The following KMT2A variants were observed in gnomAD, a reference collection of about 807,000 sequenced individuals.
KMT2A encodes histone-lysine N-methyltransferase 2A.
Under a neutral mutation model 345.3 loss-of-function variants are expected in KMT2A, and 16 were observed. The observed-to-expected ratio is 0.05, with a 90% confidence interval of 0.03 to 0.07. KMT2A has a LOEUF of 0.07. KMT2A is among the 10% of genes least tolerant of loss of function. KMT2A has a pLI of 1.00. For missense variants in KMT2A, 3,272 were observed against 4,841.6 expected (o/e 0.68, Z 9.62); for synonymous variants, 1,599 against 1,778.6 (o/e 0.90, Z 2.54).
chr11:118,474,807 A>T (rs1393424863), intron 3 of KMT2A, among the ~76,000 whole-genome samples: 1 of 152,168 alleles, frequency 6.6e-6, no homozygotes, highest in East Asian at 1.9e-4. Flanking sequence ...GGAGCAATAG[A>T]TAATATGTTT....
Position 118,501,075 on chromosome 11 carries a change from G to C in KMT2A, c.6247G>C (p.Glu2083Gln), listed in dbSNP as rs1456034694. 2.5e-6 allele frequency: 4 copies of C among 1,614,034 alleles called. No homozygotes were observed. Among genetic ancestry groups the C allele is most frequent in the African/African-American group, 1.3e-5 (1 of 74,922 alleles). The change falls in exon 25 of 36, where the codon GAG (glutamate) becomes CAG (glutamine). Residue 2083 changes from glutamate (E) to glutamine (Q), a missense_variant. Coordinates refer to ENST00000534358, the MANE Select transcript of KMT2A (RefSeq NM_001197104.2). ...AGTGGAGTGCCGTCCTCCAGTCGTA[G>C]AGCCGGATATCAACAGCACTGTTGA... Reference protein sequence around the residue: ...KIVECRPPVVEPDINSTVEHD... With the variant: ...KIVECRPPVVQPDINSTVEHD...
intron 1 of KMT2A, among the ~76,000 whole-genome samples, chr11:118,444,480 A>C (rs1555026637): frequency 6.6e-6 from 1 of 152,206 alleles, no homozygotes; most frequent in Non-Finnish European, 1.5e-5. Context: ...GAGATCGTTT[A>C]GCATAGTAAT....
Position 118,472,884 on chromosome 11 carries a change from C to T in KMT2A, c.1725C>T (p.Ala575=). The part of the protein sequence containing the change: ...LLTPPPPLQP[A]SSISDHTPWL... ...CTCCACCGCCACCACTGCAGCCAGC[C>T]TCCAGTATCTCTGACCACACACCTT... The change falls in exon 3 of 36, where the codon GCC becomes GCT. Residue 575 remains alanine (A), a synonymous_variant. Transcript: ENST00000534358. 3.1e-6 allele frequency: 5 copies of T among 1,614,014 alleles called. No individual in the cohort carries two copies. The highest frequency in any genetic ancestry group is 4.2e-6 in the Non-Finnish European group (5 of 1,179,986).
chr11:118,478,372 C>T (rs1298600103), intron 5 of KMT2A, among the ~76,000 whole-genome samples, 171 bp downstream of exon 5: 2 of 152,168 alleles, frequency 1.3e-5, no homozygotes, highest in Admixed American at 6.5e-5. Flanking sequence ...AAGAAATACT[C>T]TGGGGCCATG....
rs1229882341 is a variant in KMT2A, at chr11:118,524,840, ACTG to A, written c.*2670_*2672del. Reference sequence around the variant, plus strand: ...GGAACTCAGCTAAATAGACCTAGTTACTGCCCTGCTAGGCCATGCTGTACTGTG... The same window carrying A: ...GGAACTCAGCTAAATAGACCTAGTTACCCTGCTAGGCCATGCTGTACTGTG... On this transcript the variant is annotated 3_prime_UTR_variant, in exon 36 of 36. Transcript: ENST00000534358. 3 of 186,924 alleles carry A rather than the reference ACTG, an allele frequency of 1.6e-5. No homozygotes were observed. Among genetic ancestry groups the A allele is most frequent in the African/African-American group, 7.0e-5 (3 of 42,612 alleles). 11.6% of individuals were successfully genotyped at this position (186,924 alleles called of 1,614,324 possible). A position where few individuals can be genotyped will look rare whatever the true frequency, so the allele number is the denominator to read the frequency against.
At chr11:118,437,076 C>G in intron 1 of KMT2A, 132 bp downstream of exon 1, 1 of 1,128,710 alleles carries the variant, frequency 8.9e-7, no homozygotes, top group East Asian at 3.1e-5. Context: ...GCGAATGGCT[C>G]TCCCATCTTG....
chr11:118,470,043 G>T (rs962625709), intron 2 of KMT2A, among the ~76,000 whole-genome samples: 2 of 152,158 alleles, frequency 1.3e-5, no homozygotes, highest in African/African-American at 4.8e-5. Context: ...AAAAAATGAG[G>T]TCCATGAAAT....
chr11:118,489,804 T>C lies in KMT2A; in HGVS notation c.4492T>C (p.Cys1498Arg). The change falls in exon 12 of 36, where the codon TGT (cysteine) becomes CGT (arginine). Residue 1498 changes from cysteine (C) to arginine (R), a missense_variant. Cys to Arg is a radical substitution (Grantham distance 180, BLOSUM62 -3). Coordinates refer to ENST00000534358, the MANE Select transcript of KMT2A (RefSeq NM_001197104.2). The part of the protein sequence containing the change: ...QHQATKQLLE[C>R]NKCRNSYHPE... The stretch of plus-strand genomic sequence containing the variant: ...TATTTTCTTACAGCAGCTGCTGGAG[T>C]GTAATAAGTGCCGAAACAGCTATCA... 1 of 1,613,922 alleles carries C rather than the reference T, an allele frequency of 6.2e-7. No homozygotes were observed. Among genetic ancestry groups the C allele is most frequent in the Non-Finnish European group, 8.5e-7 (1 of 1,179,924 alleles).
At chr11:118,470,588 G>A (rs1429570865) in intron 2 of KMT2A, among the ~76,000 whole-genome samples, 1 of 152,148 alleles carries the variant, frequency 6.6e-6, no homozygotes, top group African/African-American at 2.4e-5. Context: ...TCTATTAAAG[G>A]AAGTCTCATA....
In KMT2A at chr11:118,471,586, A is replaced by G; in HGVS notation, c.503-76A>G. The G allele has an allele frequency of 6.1e-6, 6 of 986,890 alleles. No homozygotes were observed. In the Admixed American group the frequency reaches 1.6e-4, roughly 26 times the overall value. The allele number at this position is 986,890 out of a possible 1,614,324, so 61.1% of individuals were successfully genotyped here. ...ACTCAGTACAAAATGGCCAGTGCTAAGTTATATTCAGCTTAGTTAAAACCT... is the reference window on the plus strand; with the variant it reads ...ACTCAGTACAAAATGGCCAGTGCTAGGTTATATTCAGCTTAGTTAAAACCT... On this transcript the variant is annotated intron_variant, in intron 2 of 35. Transcript: ENST00000534358.
At chr11:118,447,776 G>A in intron 1 of KMT2A, 1 of 300,760 alleles carries the variant, frequency 3.3e-6, no homozygotes, top group South Asian at 2.7e-5. Flanking sequence ...AAACATGAAT[G>A]GATCCATTAT....
At chr11:118,450,940 C>T (rs1248948277) in intron 1 of KMT2A, among the ~76,000 whole-genome samples, 1 of 152,114 alleles carries the variant, frequency 6.6e-6, no homozygotes, top group African/African-American at 2.4e-5. Flanking sequence ...ACTGATTGAG[C>T]AGCATTATTT....
chr11:118,438,485 G>C (rs1173824669), intron 1 of KMT2A, among the ~76,000 whole-genome samples: 1 of 144,320 alleles, frequency 6.9e-6, no homozygotes, highest in African/African-American at 2.6e-5. Context: ...AAGAGCAGCT[G>C]CTAGGGGCTG....
At position 118,484,287 on chromosome 11, in the gene KMT2A, A is replaced by G; in HGVS notation, c.4191A>G (p.Gly1397=). Residue 1397 remains glycine (G), a synonymous_variant, in exon 9 of 36, where the codon GGA becomes GGG. Coordinates refer to ENST00000534358, the MANE Select transcript of KMT2A (RefSeq NM_001197104.2). The surrounding 1 kb of genome is among the most constrained non-coding windows in gnomAD (Gnocchi z 4.1). ...CTAAGCAAAAAATTCCAGCAGATGG[A>G]GTCCACAGGATCAGAGTGGACTTTA... ...NSSKQKIPAD[G]VHRIRVDFKE... is the part of the protein sequence containing the mutation. 1 of 1,614,146 alleles carries G rather than the reference A, an allele frequency of 6.2e-7. No individual in the cohort carries two copies. Among genetic ancestry groups the G allele is most frequent in the Non-Finnish European group, 8.5e-7 (1 of 1,179,992 alleles).
intron 27 of KMT2A, 78 bp downstream of exon 27, chr11:118,506,724 C>A: frequency 7.2e-7 from 1 of 1,395,860 alleles, no homozygotes; most frequent in Non-Finnish European, 9.8e-7. Flanking sequence ...TGTGGTAGTC[C>A]GGGAGAGACA....
rs782462364 is a variant in KMT2A at position 118,472,633 on chromosome 11, G to C, written c.1474G>C (p.Ala492Pro). The part of the protein sequence containing the change: ...PSVDTSTDSQ[A>P]SEEIQVLPEE... ...TGTTGATACCTCCACAGACTCTCAG[G>C]CTTCTGAGGAGATTCAGGTACTTCC... is the stretch of plus-strand genomic sequence containing the variant. The change falls in exon 3 of 36, where the codon GCT becomes CCT. Residue 492 changes from alanine (A) to proline (P), a missense_variant. By Grantham distance (27) the Ala-to-Pro change is conservative (BLOSUM62 -1). Coordinates refer to ENST00000534358, the MANE Select transcript of KMT2A (RefSeq NM_001197104.2). The C allele has an allele frequency of 5.0e-6, 8 of 1,612,394 alleles. No homozygotes were observed. Among genetic ancestry groups the C allele is most frequent in the African/African-American group, 2.7e-5 (2 of 74,344 alleles).
At chr11:118,450,626 T>G (rs1949516491) in intron 1 of KMT2A, 1 of 152,206 alleles carries the variant, frequency 6.6e-6, no homozygotes, top group Admixed American at 6.5e-5. Context: ...TAGCGCTCTT[T>G]AATCCCAAGT....
At chr11:118,451,543 A>C (rs1949537535) in intron 1 of KMT2A, among the ~76,000 whole-genome samples, 1 of 152,006 alleles carries the variant, frequency 6.6e-6, no homozygotes, top group Non-Finnish European at 1.5e-5. Flanking sequence ...ACATGCCACC[A>C]CATCTGGCTA....
At chr11:118,506,795 AGTG>A (rs1950592772) in intron 27 of KMT2A, 149 bp downstream of exon 27, 1 of 771,192 alleles carries the variant, frequency 1.3e-6, no homozygotes, top group African/African-American at 1.7e-5. Context: ...TTTCTCTCTG[AGTG>A]GTGATTTATG....
Sources: allele counts gnomAD v4.1 joint callset (sites outside exome capture counted in the v4.1 genomes callset), GRCh38; gene constraint gnomAD v4.1.1; non-coding constraint Gnocchi (gnomAD v3.1); transcripts MANE v1.5; gene names NCBI Gene and HGNC (gene_info 2026-07-23, HGNC 2026-07-21).